The following TIMM21 variants were observed in gnomAD, a reference collection of about 807,000 sequenced individuals.
TIMM21 encodes translocase of inner mitochondrial membrane 21.
In TIMM21, 30 loss-of-function variants were observed where a neutral mutation model predicts 27.7. The ratio of observed to expected loss-of-function variants is 1.08; its 90% CI spans 0.81 to 1.47. The LOEUF is 1.47. TIMM21 is among the 40% of genes most tolerant of loss of function. The probability of loss-of-function intolerance (pLI) is 0.00; values close to 1 mark genes in which losing one functional copy is unlikely to be tolerated. For synonymous variants in TIMM21, 121 were observed against 114.4 expected, an observed-to-expected ratio of 1.06 and a Z score of -0.37; for missense variants, 292 against 302.9, an observed-to-expected ratio of 0.96 and a Z score of 0.27.
rs3737512 is a variant in TIMM21 at position 74,149,043 on chromosome 18, G to A, written c.235G>A (p.Gly79Ser). 0.046 allele frequency: 73,632 copies of A among 1,613,980 alleles called. 3,287 individuals carry two copies. The highest frequency in any genetic ancestry group is 0.21 in the African/African-American group (16,014 of 74,946). Reference protein sequence around the residue: ...GPSPRKAKEDGSKQVSVHRSQ... With the variant: ...GPSPRKAKEDSSKQVSVHRSQ... ...GAGCCCCCGAAAAGCAAAGGAGGAT[G>A]GCAGCAAACAAGTGTCTGTGCACAG... is the stretch of plus-strand genomic sequence containing the variant. The change falls in exon 1 of 6, where the codon GGC becomes AGC. Residue 79 changes from glycine to serine, a missense_variant. Coordinates refer to ENST00000169551, the MANE Select transcript of TIMM21 (RefSeq NM_014177.3).
chr18:74,148,896 C>T lies in TIMM21; in HGVS notation c.88C>T (p.Leu30Phe), dbSNP rs773937754. 1.9e-6 allele frequency: 3 copies of T among 1,614,186 alleles called. No individual in the cohort carries two copies. Among genetic ancestry groups the T allele is most frequent in the African/African-American group, 1.3e-5 (1 of 75,036 alleles). Residue 30 changes from leucine to phenylalanine, a missense_variant, in exon 1 of 6, where the codon CTT becomes TTT. Leu to Phe is a conservative substitution (Grantham distance 22). Transcript: ENST00000169551. ...GCGATTGCTTTTGCCATACATCGTG[C>T]TTAACAAAGCGTGCTTGAAGACTGA... ...AKRLLLPYIVLNKACLKTEPS... is the reference protein window; with the variant it reads ...AKRLLLPYIVFNKACLKTEPS...
In TIMM21 at chr18:74,158,857, C is replaced by A; in HGVS notation, c.*377C>A. Reference sequence around the variant, plus strand: ...ATAAAATTAAAACTAACAAATATGTCATTAGCAGCTGCCCTCCGCATACTT... The same window carrying A: ...ATAAAATTAAAACTAACAAATATGTAATTAGCAGCTGCCCTCCGCATACTT... On this transcript the variant is annotated 3_prime_UTR_variant, in exon 6 of 6. Coordinates refer to ENST00000169551, the MANE Select transcript of TIMM21 (RefSeq NM_014177.3). 2.1e-5 allele frequency: 4 copies of A among 188,462 alleles called. No individual in the cohort carries two copies. The highest frequency in any genetic ancestry group is 1.0e-4 in the South Asian group (1 of 9,786). 11.7% of individuals were successfully genotyped at this position (188,462 alleles called of 1,614,324 possible). A position where few individuals can be genotyped will look rare whatever the true frequency, so the allele number is the denominator to read the frequency against.
At chr18:74,149,176 T>C (rs17088860) in intron 1 of TIMM21, 67 bp downstream of exon 1, 69,316 of 1,521,260 alleles carry the variant, frequency 0.046, 3,089 homozygotes, top group African/African-American at 0.21. Context: ...TGCCCTTTTA[T>C]ACCAAGTTCA....
At chr18:74,149,204 G>A in intron 1 of TIMM21, 95 bp downstream of exon 1, 1 of 1,374,956 alleles carries the variant, frequency 7.3e-7, no homozygotes, top group Non-Finnish European at 9.8e-7. Context: ...AGGTGAAAAA[G>A]CAATTCACAT....
intron 1 of TIMM21, 54 bp from the exon 2 acceptor site, chr18:74,155,089 CAA>C (rs1305709802): frequency 1.3e-6 from 2 of 1,571,794 alleles, no homozygotes; most frequent in Non-Finnish European, 1.8e-6. Context: ...AAGCAGCAGA[CAA>C]GCTTGCCTGC....
chr18:74,155,317 T>G lies in TIMM21; in HGVS notation c.376T>G (p.Tyr126Asp), dbSNP rs1353301834. ...TTCTGTGATTTCAGGTGGCTTGTTT[T>G]ACACGATTTTCAAAGAACTTTTTTC... ...FGISITGGLFYTIFKELFSSS... is the reference protein window; with the variant it reads ...FGISITGGLFDTIFKELFSSS... Residue 126 changes from tyrosine to aspartate, a missense_variant, in exon 3 of 6, where the codon TAC becomes GAC. Coordinates refer to ENST00000169551, the MANE Select transcript of TIMM21 (RefSeq NM_014177.3). 6.2e-7 allele frequency: 1 copy of G among 1,613,406 alleles called. No individual in the cohort carries two copies. The highest frequency in any genetic ancestry group is 1.1e-5 in the South Asian group (1 of 90,694).
intron 3 of TIMM21, 34 bp downstream of exon 3, chr18:74,155,437 A>G: frequency 3.2e-6 from 5 of 1,545,744 alleles, no homozygotes; most frequent in Non-Finnish European, 4.4e-6. Context: ...ATGAACTCTG[A>G]TGAGGGGGAG....
intron 1 of TIMM21, among the ~76,000 whole-genome samples, chr18:74,153,984 C>T (rs899334270): frequency 6.6e-6 from 1 of 152,082 alleles, no homozygotes; most frequent in Admixed American, 6.5e-5. Flanking sequence ...AAAGCATAGT[C>T]GTAATTGTAA....
At chr18:74,153,331 T>G (rs915465433) in intron 1 of TIMM21, among the ~76,000 whole-genome samples, 14 of 152,200 alleles carry the variant, frequency 9.2e-5, no homozygotes, top group African/African-American at 3.4e-4. Context: ...GGAAAAGACC[T>G]GTCAGATACC....
At chr18:74,153,410 G>A (rs986292974) in intron 1 of TIMM21, among the ~76,000 whole-genome samples, 6 of 152,224 alleles carry the variant, frequency 3.9e-5, no homozygotes, top group Admixed American at 2.0e-4. Flanking sequence ...CCAATGACCC[G>A]GTTTGGGTAA....
Position 74,160,011 on chromosome 18 carries a change from C to T in TIMM21, c.*1531C>T, listed in dbSNP as rs192783333. ...TGCACCTGCCATTTTACAATATGCT[C>T]ATGCCCCTTTAAGATCTGAGCTTTT... On this transcript the variant is annotated 3_prime_UTR_variant, in exon 6 of 6. Coordinates refer to ENST00000169551, the MANE Select transcript of TIMM21 (RefSeq NM_014177.3). 1 of 152,358 alleles carries T rather than the reference C, an allele frequency of 6.6e-6. No individual in the cohort carries two copies. The highest frequency in any genetic ancestry group is 1.5e-5 in the Non-Finnish European group (1 of 68,090). The allele number at this position is 152,358 out of a possible 1,614,324, so 9.4% of individuals were successfully genotyped here. A position where few individuals can be genotyped will look rare whatever the true frequency, so the allele number is the denominator to read the frequency against.
chr18:74,158,136 A>G, intron 4 of TIMM21, 35 bp from the exon 5 acceptor site: 1 of 1,613,948 alleles, frequency 6.2e-7, no homozygotes, highest in South Asian at 1.1e-5. Context: ...TTTTAAATGA[A>G]AGGAACTTAG....
intron 3 of TIMM21, chr18:74,156,357 G>A (rs111662061): frequency 1.5e-4 from 60 of 394,748 alleles, no homozygotes; most frequent in African/African-American, 1.1e-3. Flanking sequence ...CTTCCCTGGG[G>A]CCCCGGCTCT....
chr18:74,151,624 C>A (rs1979801966), intron 1 of TIMM21, among the ~76,000 whole-genome samples: 1 of 152,180 alleles, frequency 6.6e-6, no homozygotes. Flanking sequence ...GTCCTCCTGT[C>A]CCTCCTAAGA....
chr18:74,158,121 G>A (rs1980002781), intron 4 of TIMM21, 34 bp downstream of exon 4: 1 of 1,614,066 alleles, frequency 6.2e-7, no homozygotes, highest in Non-Finnish European at 8.5e-7. Flanking sequence ...AGGCTCTGGG[G>A]AGATTTTTAA....
At position 74,156,166 on chromosome 18, in the gene TIMM21, T is replaced by A. The variant is rs1242725386; in HGVS notation, c.462+763T>A. On this transcript the variant is annotated intron_variant, in intron 3 of 5. Coordinates refer to ENST00000169551, the MANE Select transcript of TIMM21 (RefSeq NM_014177.3). Reference sequence around the variant, plus strand: ...CTTCAGCACTGAAAATATTACTCATTGAAATACAACTTCATTCACCCTGAA... The same window carrying A: ...CTTCAGCACTGAAAATATTACTCATAGAAATACAACTTCATTCACCCTGAA... 3 of 398,320 alleles carry A rather than the reference T, an allele frequency of 7.5e-6. No individual in the cohort carries two copies. The East Asian group carries it at 1.1e-4, about 14-fold the overall frequency. 24.7% of individuals were successfully genotyped at this position (398,320 alleles called of 1,614,324 possible). A position where few individuals can be genotyped will look rare whatever the true frequency, so the allele number is the denominator to read the frequency against.
Position 74,160,301 on chromosome 18 carries a change from G to A in TIMM21, c.*1821G>A, listed in dbSNP as rs541751514. On this transcript the variant is annotated 3_prime_UTR_variant, in exon 6 of 6. Transcript: ENST00000169551. ...GTCACTGCACTCCAGCATGAGTGACGGAGTGTGACTTCGTCTCAAAAAAAA... is the reference window on the plus strand; with the variant it reads ...GTCACTGCACTCCAGCATGAGTGACAGAGTGTGACTTCGTCTCAAAAAAAA... 3.0e-4 allele frequency: 45 copies of A among 149,908 alleles called. No homozygotes were observed. Among genetic ancestry groups the A allele is most frequent in the African/African-American group, 8.9e-4 (36 of 40,292 alleles). 9.3% of individuals were successfully genotyped at this position (149,908 alleles called of 1,614,324 possible).
chr18:74,151,987 C>A (rs989392000), intron 1 of TIMM21, among the ~76,000 whole-genome samples: 5 of 143,944 alleles, frequency 3.5e-5, no homozygotes, highest in Non-Finnish European at 5.9e-5. Flanking sequence ...TTGTTCTTCT[C>A]ACCCTTCTCA....
Position 74,148,582 on chromosome 18 carries a change from A to ATCTCGGTGGTC in TIMM21, c.-227_-226insTCTCGGTGGTC. ...GAATGTCAGCCCAGAAGGTGATCAG[A>ATCTCGGTGGTC]GCCTGTTAATTAAAATGGAAAGAAG... On this transcript the variant is annotated 5_prime_UTR_variant, in exon 1 of 6. It removes the in-frame stop codon of an upstream open reading frame in the 5' UTR. Transcript: ENST00000169551. 1 of 469,980 alleles carries ATCTCGGTGGTC rather than the reference A, an allele frequency of 2.1e-6. No homozygotes were observed. Among genetic ancestry groups the ATCTCGGTGGTC allele is most frequent in the Non-Finnish European group, 3.8e-6 (1 of 261,432 alleles). The allele number at this position is 469,980 out of a possible 1,614,324, so 29.1% of individuals were successfully genotyped here.
Sources: allele counts gnomAD v4.1 joint callset (sites outside exome capture counted in the v4.1 genomes callset), GRCh38; gene constraint gnomAD v4.1.1; transcripts MANE v1.5; gene names NCBI Gene and HGNC (gene_info 2026-07-23, HGNC 2026-07-21).